NSD3: variants seen among roughly 807,000 people sequenced by gnomAD.
NSD3 encodes nuclear receptor binding SET domain protein 3, also known as histone-lysine N-methyltransferase NSD3.
NSD3 carries 24 observed loss-of-function variants against 160.8 expected under a neutral mutation model. The observed-to-expected ratio is 0.15, with a 90% CI of 0.11 to 0.21. The LOEUF (loss-of-function observed/expected upper bound fraction) is 0.21. NSD3 is among the 10% of genes least tolerant of loss of function. NSD3 has a pLI of 1.00. For synonymous variants in NSD3, 520 were observed against 600.0 expected, an observed-to-expected ratio of 0.87 and a Z score of 1.95; for missense variants, 1,157 against 1,735.9, an observed-to-expected ratio of 0.67 and a Z score of 5.93.
In NSD3 at chr8:38,279,590, A is replaced by G; in HGVS notation, c.3710T>C (p.Val1237Ala). 6.2e-7 allele frequency: 1 copy of G among 1,614,170 alleles called. No individual in the cohort carries two copies. Among genetic ancestry groups the G allele is most frequent in the Non-Finnish European group, 8.5e-7 (1 of 1,180,022 alleles). ...NPNCETQKWT[V>A]NGDVRVGLFA... The stretch of plus-strand genomic sequence containing the variant: ...TAGTCCCACTCGAACATCTCCATTC[A>G]CTGTCCACTTTTGTGTTTCACAGTT... Residue 1237 changes from valine to alanine, a missense_variant, in exon 21 of 24, where the codon GTG (valine) becomes GCG (alanine). Physicochemically the swap from Val to Ala is moderately conservative, Grantham distance 64 (BLOSUM62 0). Around this residue, in one of 10 missense-constraint regions of NSD3, gnomAD observed 222 missense variants for 409.9 expected, o/e 0.54. Coordinates refer to ENST00000317025, the MANE Select transcript of NSD3 (RefSeq NM_023034.2).
intron 1 of NSD3, among the ~76,000 whole-genome samples, chr8:38,354,839 C>T (rs1490061292): frequency 1.3e-5 from 2 of 151,980 alleles, no homozygotes; most frequent in Non-Finnish European, 2.9e-5. Context: ...GTGCCATGTT[C>T]TAAGCAAACA....
At chr8:38,347,407 T>C (rs1431644692) in intron 2 of NSD3, 90 bp downstream of exon 2, 2 of 1,361,228 alleles carry the variant, frequency 1.5e-6, no homozygotes, top group Non-Finnish European at 2.0e-6. Flanking sequence ...GACAGATTCA[T>C]ATTTAAAGAG....
intron 23 of NSD3, 141 bp downstream of exon 23, chr8:38,276,155 G>A: frequency 1.0e-6 from 1 of 989,484 alleles, no homozygotes. Context: ...ATGTGTAAGG[G>A]GAAAGATTTT....
At chr8:38,376,395 C>A (rs1436697940) in intron 1 of NSD3, among the ~76,000 whole-genome samples, 1 of 152,026 alleles carries the variant, frequency 6.6e-6, no homozygotes, top group Non-Finnish European at 1.5e-5. Flanking sequence ...CTTAAGTTTG[C>A]CCCCTCACCT....
In NSD3 at chr8:38,275,752, G is replaced by A. The variant is rs753393108; in HGVS notation, c.4203C>T (p.Gly1401=). 2.2e-5 allele frequency: 35 copies of A among 1,614,060 alleles called. No homozygotes were observed. In the East Asian group the frequency reaches 3.1e-4, roughly 14 times the overall value. Residue 1401 remains glycine, a synonymous_variant, in exon 24 of 24, where the codon GGC becomes GGT. Coordinates refer to ENST00000317025, the MANE Select transcript of NSD3 (RefSeq NM_023034.2). The part of the protein sequence containing the change: ...KGALVPSALE[G]RLCCSEHDPM... ...GGTCATGTTCCGAGCAGCAGAGGCG[G>A]CCTTCCAGTGCAGAGGGAACCAGGG...
At chr8:38,284,245 A>G (rs1305974301) in intron 19 of NSD3, among the ~76,000 whole-genome samples, 1 of 152,220 alleles carries the variant, frequency 6.6e-6, no homozygotes. Context: ...GTCAGCCTCA[A>G]ATAGCTTTTC....
At chr8:38,314,834 G>A (rs750936639) in intron 11 of NSD3, 61 bp from the exon 12 acceptor site, 11 of 1,552,802 alleles carry the variant, frequency 7.1e-6, no homozygotes, top group Admixed American at 3.7e-5. Flanking sequence ...CCACATGGGC[G>A]GCTTGTTAAA....
At chr8:38,290,889 C>A in intron 16 of NSD3, 1 of 437,846 alleles carries the variant, frequency 2.3e-6, no homozygotes, top group African/African-American at 2.0e-5. Context: ...GATCTACTTT[C>A]TTTTAAAAAA....
rs1271825981 is a variant in NSD3 at position 38,317,036 on chromosome 8, G to A, written c.1856-994C>T. The A allele has an allele frequency of 9.4e-7, 1 of 1,059,644 alleles. No homozygotes were observed. Among genetic ancestry groups the A allele is most frequent in the African/African-American group, 1.6e-5 (1 of 60,762 alleles). 65.6% of individuals were successfully genotyped at this position (1,059,644 alleles called of 1,614,324 possible). A position where few individuals can be genotyped will look rare whatever the true frequency, so the allele number is the denominator to read the frequency against. ...CCCCAAAATTTCCATACAACAAACA[G>A]ACATCTAGATCAACCCAGCAAGCTA... On this transcript the variant is annotated intron_variant, in intron 9 of 23. Transcript: ENST00000317025. This position sits in a 1 kb window ranked among gnomAD's most constrained non-coding sequence, Gnocchi z 5.3.
intron 4 of NSD3, among the ~76,000 whole-genome samples, chr8:38,333,952 C>G (rs1327735782): frequency 6.6e-6 from 1 of 152,192 alleles, no homozygotes; most frequent in Non-Finnish European, 1.5e-5. Context: ...ATAAATTTTA[C>G]AAAGTTGCTT....
chr8:38,304,781 G>C (rs751392037), intron 13 of NSD3, 24 bp from the exon 14 acceptor site: 1 of 1,579,322 alleles, frequency 6.3e-7, no homozygotes, highest in Non-Finnish European at 8.6e-7. Flanking sequence ...AGTCAAAAAG[G>C]AATCTAATAA....
chr8:38,376,998 CTT>C (rs1366508029), intron 1 of NSD3, among the ~76,000 whole-genome samples: 1 of 152,030 alleles, frequency 6.6e-6, no homozygotes, highest in East Asian at 1.9e-4. Context: ...TTACAAGACT[CTT>C]TAAAAAAAAA....
rs894992149 is a variant in NSD3, at chr8:38,346,353, T to C, written c.675+1144A>G. Among the ~76,000 whole-genome samples the C allele has an allele frequency of 4.1e-5, 6 of 147,684 alleles. No homozygotes were observed. The East Asian group carries it at 1.2e-3, about 29-fold the overall frequency. On this transcript the variant is annotated intron_variant, in intron 2 of 23. Coordinates refer to ENST00000317025, the MANE Select transcript of NSD3 (RefSeq NM_023034.2). Reference sequence around the variant, plus strand: ...TATATACACATGTATATAGTATATATAGTATATGTATATATGTATATATAT... The same window carrying C: ...TATATACACATGTATATAGTATATACAGTATATGTATATATGTATATATAT...
rs1421555391 is a variant in NSD3, at chr8:38,381,715, G to A, written c.-45+84C>T. 2.0e-5 allele frequency: 3 copies of A among 152,354 alleles called. No individual in the cohort carries two copies. The South Asian group carries it at 6.1e-4, about 31-fold the overall frequency. The allele number at this position is 152,354 out of a possible 1,614,324, so 9.4% of individuals were successfully genotyped here. On this transcript the variant is annotated intron_variant, in intron 1 of 23. Coordinates refer to ENST00000317025, the MANE Select transcript of NSD3 (RefSeq NM_023034.2). ...CCCCCTCCCCGTCGTTCCCTCCTCA[G>A]CCCTTCCTAGCACTACACACGCGCG...
chr8:38,289,295 C>T (rs1439927097), intron 18 of NSD3, 98 bp downstream of exon 18: 14 of 1,105,586 alleles, frequency 1.3e-5, no homozygotes, highest in Admixed American at 2.2e-5. Context: ...AAGAGTAATG[C>T]ATTTCGTCTC....
intron 20 of NSD3, among the ~76,000 whole-genome samples, 164 bp downstream of exon 20, chr8:38,281,303 C>G (rs1808727003): frequency 6.6e-6 from 1 of 152,048 alleles, no homozygotes; most frequent in Non-Finnish European, 1.5e-5. Flanking sequence ...TTTTTTTACT[C>G]TGGTATAATT....
chr8:38,347,189 T>C (rs1294369244), intron 2 of NSD3, among the ~76,000 whole-genome samples: 1 of 152,222 alleles, frequency 6.6e-6, no homozygotes, highest in Non-Finnish European at 1.5e-5. Context: ...TCTCTTTGCC[T>C]TTCCTCTTGA....
intron 16 of NSD3, 51 bp from the exon 17 acceptor site, chr8:38,290,728 C>T (rs756413344): frequency 3.8e-6 from 6 of 1,591,584 alleles, no homozygotes; most frequent in Non-Finnish European, 5.1e-6. Flanking sequence ...AAACAAAAAA[C>T]CACTATTTAC....
At position 38,282,400 on chromosome 8, in the gene NSD3, G is replaced by A. The variant is rs551201931; in HGVS notation, c.3502-817C>T. Reference sequence around the variant, plus strand: ...TTCAAGAATGTTTTGGCTGGTCGCCGTGGCTCACGCCTGTAATCCCAGCAC... The same window carrying A: ...TTCAAGAATGTTTTGGCTGGTCGCCATGGCTCACGCCTGTAATCCCAGCAC... On this transcript the variant is annotated intron_variant, in intron 19 of 23. Coordinates refer to ENST00000317025, the MANE Select transcript of NSD3 (RefSeq NM_023034.2). Among the ~76,000 whole-genome samples the A allele has an allele frequency of 7.2e-5, 11 of 152,348 alleles. No individual in the cohort carries two copies. In the East Asian group the frequency reaches 7.7e-4, roughly 11 times the overall value.
Sources: allele counts gnomAD v4.1 joint callset (sites outside exome capture counted in the v4.1 genomes callset), GRCh38; gene constraint gnomAD v4.1.1; regional missense constraint gnomAD v4.1.1; non-coding constraint Gnocchi (gnomAD v3.1); transcripts MANE v1.5; gene names NCBI Gene and HGNC (gene_info 2026-07-23, HGNC 2026-07-21).